Variants in KIF3B observed in about 807,000 individuals in gnomAD.
The protein encoded by KIF3B is kinesin family member 3B, also known as kinesin-like protein KIF3B.
In KIF3B, 38 loss-of-function variants were observed where a neutral mutation model predicts 74.3. The ratio of observed to expected loss-of-function variants is 0.51; its 90% confidence interval spans 0.39 to 0.67. The LOEUF (loss-of-function observed/expected upper bound fraction) is 0.67. Among genes scored for constraint, KIF3B ranks in the 30% least tolerant of loss-of-function variants. KIF3B has a pLI of 0.00. For synonymous variants in KIF3B, 326 were observed against 342.5 expected (o/e 0.95, Z 0.53); for missense variants, 649 against 932.0 (o/e 0.70, Z 3.95).
At chr20:32,317,609 ATACT>A (rs1247326698) in intron 5 of KIF3B, among the ~76,000 whole-genome samples, 2 of 151,038 alleles carry the variant, frequency 1.3e-5, no homozygotes, top group Non-Finnish European at 2.9e-5. Flanking sequence ...TCACTCCTAC[ATACT>A]TATATATATA....
intron 1 of KIF3B, among the ~76,000 whole-genome samples, chr20:32,279,392 G>A (rs2047631635): frequency 6.6e-6 from 1 of 152,020 alleles, no homozygotes; most frequent in Admixed American, 6.6e-5. Flanking sequence ...TAAAAGGCAA[G>A]GAAACAAGAT....
chr20:32,300,531 G>A (rs745935665), intron 1 of KIF3B, among the ~76,000 whole-genome samples: 2 of 151,894 alleles, frequency 1.3e-5, no homozygotes, highest in Non-Finnish European at 1.5e-5. Context: ...TGCCCACCTC[G>A]GCCTCCCAAA....
chr20:32,298,140 T>TA (rs922839414), intron 1 of KIF3B, among the ~76,000 whole-genome samples: 51 of 145,626 alleles, frequency 3.5e-4, no homozygotes, highest in Non-Finnish European at 5.4e-4. Flanking sequence ...TTTTTTGAAT[T>TA]AAAAAAAAAA....
intron 8 of KIF3B, among the ~76,000 whole-genome samples, chr20:32,330,521 T>A (rs988875477): frequency 6.6e-6 from 1 of 152,218 alleles, no homozygotes; most frequent in Non-Finnish European, 1.5e-5. Flanking sequence ...GAATACCTAA[T>A]GTCCCCAGTC....
chr20:32,295,724 A>T (rs964700104), intron 1 of KIF3B, among the ~76,000 whole-genome samples: 1 of 152,178 alleles, frequency 6.6e-6, no homozygotes, highest in Non-Finnish European at 1.5e-5. Flanking sequence ...TTAGAAAGTT[A>T]AAAATTCTAG....
chr20:32,308,262 T>A (rs1009808413), intron 1 of KIF3B, among the ~76,000 whole-genome samples: 2 of 152,140 alleles, frequency 1.3e-5, no homozygotes, highest in African/African-American at 4.8e-5. Context: ...TTCATTCTGT[T>A]GTGTAGGCTG....
intron 1 of KIF3B, among the ~76,000 whole-genome samples, chr20:32,299,666 C>T (rs2047734127): frequency 6.6e-6 from 1 of 151,796 alleles, no homozygotes; most frequent in Non-Finnish European, 1.5e-5. Context: ...CCGGCGTCAG[C>T]CTCCCAAAGT....
At chr20:32,324,296 C>T (rs1276624790) in intron 5 of KIF3B, among the ~76,000 whole-genome samples, 1 of 152,098 alleles carries the variant, frequency 6.6e-6, no homozygotes, top group Non-Finnish European at 1.5e-5. Flanking sequence ...CTGAGCCCCA[C>T]CTCAGAGATT....
intron 1 of KIF3B, among the ~76,000 whole-genome samples, chr20:32,303,771 C>A (rs1240526752): frequency 6.6e-6 from 1 of 150,460 alleles, no homozygotes; most frequent in Non-Finnish European, 1.5e-5. Flanking sequence ...AGGATAATTG[C>A]TTGAACCTTG....
At chr20:32,317,162 G>A (rs539705669) in intron 5 of KIF3B, among the ~76,000 whole-genome samples, 9 of 152,242 alleles carry the variant, frequency 5.9e-5, no homozygotes, top group East Asian at 1.9e-4. Flanking sequence ...GCTTGAACCC[G>A]GGAAGTGGAG....
intron 1 of KIF3B, among the ~76,000 whole-genome samples, chr20:32,303,233 A>AT (rs971392293): frequency 6.6e-6 from 1 of 151,942 alleles, no homozygotes; most frequent in African/African-American, 2.4e-5. Context: ...TTTAATCTGA[A>AT]TTTTTTTTAG....
intron 1 of KIF3B, among the ~76,000 whole-genome samples, chr20:32,292,575 T>C (rs368732539): frequency 1.8e-4 from 11 of 61,436 alleles, no homozygotes; most frequent in African/African-American, 6.6e-4. Flanking sequence ...TCGTCTCTAC[T>C]AAAAATAGAA....
chr20:32,318,572 GCCTGGTGTCTTTTGC>G (rs1162467367), intron 5 of KIF3B, among the ~76,000 whole-genome samples: 2 of 152,070 alleles, frequency 1.3e-5, no homozygotes, highest in Non-Finnish European at 2.9e-5. Context: ...GGCCTTTTTG[GCCTGGTGTCTTTTGC>G]TTAGCATGAC....
intron 5 of KIF3B, among the ~76,000 whole-genome samples, chr20:32,322,704 A>T (rs1398271762): frequency 1.1e-4 from 8 of 70,690 alleles, no homozygotes; most frequent in African/African-American, 5.8e-4. Context: ...ATATATTTAT[A>T]TATTTATATA....
intron 7 of KIF3B, among the ~76,000 whole-genome samples, chr20:32,329,333 G>A (rs6058645): frequency 0.032 from 4,814 of 150,844 alleles, 268 homozygotes; most frequent in African/African-American, 0.11. Context: ...GTGAGCCACC[G>A]CACTGGCCTT....
chr20:32,280,249 C>T (rs926056608), intron 1 of KIF3B, among the ~76,000 whole-genome samples: 2 of 152,110 alleles, frequency 1.3e-5, no homozygotes, highest in African/African-American at 4.8e-5. Flanking sequence ...GCTGTATTTT[C>T]CGTGTATGGT....
At chr20:32,323,065 T>TATAC (rs2047880986) in intron 5 of KIF3B, among the ~76,000 whole-genome samples, 1 of 65,098 alleles carries the variant, frequency 1.5e-5, no homozygotes, top group Non-Finnish European at 2.5e-5. Flanking sequence ...TATATTTATA[T>TATAC]ATATTTATAT....
In KIF3B at chr20:32,277,764, A is replaced by C; in HGVS notation, c.-67A>C. The C allele has an allele frequency of 4.1e-6, 1 of 243,202 alleles. No individual in the cohort carries two copies. Among genetic ancestry groups the C allele is most frequent in the Non-Finnish European group, 7.6e-6 (1 of 131,864 alleles). 15.1% of individuals were successfully genotyped at this position (243,202 alleles called of 1,614,324 possible). ...GCCGCCCGCTTTCGGCTCGGGCCTC[A>C]GGTGAGTCGGAGGGGCCGGGCGCCC... On this transcript the variant is annotated splice_region_variant and 5_prime_UTR_variant, in exon 1 of 9. Transcript: ENST00000375712.
At chr20:32,293,029 C>T (rs1231147977) in intron 1 of KIF3B, among the ~76,000 whole-genome samples, 2 of 151,928 alleles carry the variant, frequency 1.3e-5, no homozygotes, top group African/African-American at 2.4e-5. Context: ...CCAAGGCAGG[C>T]GGAACACCTG....
Sources: gnomAD v4.1 joint callset for allele counts (sites outside exome capture counted in the v4.1 genomes callset) on GRCh38, gnomAD v4.1.1 for gene constraint, MANE v1.5 for transcripts, NCBI Gene and HGNC (gene_info 2026-07-23, HGNC 2026-07-21) for gene names.